The following UGT1A6 variants were observed in gnomAD, a reference collection of about 807,000 sequenced individuals.
UGT1A6 encodes the protein UDP glucuronosyltransferase family 1 member A6, also known as UDP-glucuronosyltransferase 1A6.
In UGT1A6, 32 loss-of-function variants were observed where a neutral mutation model predicts 44.4. That is an observed-to-expected ratio of 0.72 (90% CI 0.54 to 0.97). The LOEUF (loss-of-function observed/expected upper bound fraction) is 0.97, where lower values mean the gene tolerates loss of function less well. Ranked by LOEUF, UGT1A6 falls within the 50% of genes least tolerant of loss-of-function variation. UGT1A6 has a pLI of 0.00. For missense variants in UGT1A6, 685 were observed against 661.9 expected (o/e 1.03, Z -0.38); for synonymous variants, 238 against 248.5 (o/e 0.96, Z 0.40).
intron 1 of UGT1A6, chr2:233,713,397 G>T (rs1559359368): frequency 5.0e-6 from 8 of 1,613,912 alleles, no homozygotes; most frequent in Non-Finnish European, 6.8e-6. Flanking sequence ...GCATAATGAG[G>T]CCCTGATCAG....
At chr2:233,712,764 G>T (rs1312823466) in intron 1 of UGT1A6, among the ~76,000 whole-genome samples, 1 of 152,224 alleles carries the variant, frequency 6.6e-6, no homozygotes, top group Non-Finnish European at 1.5e-5. Flanking sequence ...CGAGCGCAAG[G>T]TCAGATGAGT....
In UGT1A6 at chr2:233,693,470, G is replaced by C; in HGVS notation, c.466G>C (p.Gly156Arg). 6.2e-7 allele frequency: 1 copy of C among 1,614,122 alleles called. No homozygotes were observed. Among genetic ancestry groups the C allele is most frequent in the Non-Finnish European group, 8.5e-7 (1 of 1,180,016 alleles). ...TTTCACAGACCCAGCCTTACCCTGT[G>C]GGGTGATCCTGGCTGAGTATTTGGG... ...ALFTDPALPC[G>R]VILAEYLGLP... is the part of the protein sequence containing the mutation. The change falls in exon 1 of 5, where the codon GGG (glycine) becomes CGG (arginine). Residue 156 changes from glycine (G) to arginine (R), a missense_variant. Physicochemically the swap from Gly to Arg is moderately radical, Grantham distance 125 (BLOSUM62 -2). Transcript: ENST00000305139.
At chr2:233,713,833 G>A in intron 1 of UGT1A6, 11 of 1,614,060 alleles carry the variant, frequency 6.8e-6, no homozygotes, top group Non-Finnish European at 9.3e-6. Context: ...GGCATCAACT[G>A]TGCCAACGGG....
intron 1 of UGT1A6, among the ~76,000 whole-genome samples, chr2:233,705,578 G>T (rs549130522): frequency 3.3e-5 from 5 of 152,170 alleles, no homozygotes; most frequent in Non-Finnish European, 7.3e-5. Flanking sequence ...GGATAGAAAT[G>T]GTTTATGGAT....
chr2:233,755,110 C>T, intron 1 of UGT1A6: 1 of 1,333,642 alleles, frequency 7.5e-7, no homozygotes, highest in Non-Finnish European at 1.0e-6. Flanking sequence ...GACAACACCT[C>T]GTAGGCCTCA....
At chr2:233,699,418 A>G (rs1463010135) in intron 1 of UGT1A6, among the ~76,000 whole-genome samples, 5 of 152,178 alleles carry the variant, frequency 3.3e-5, no homozygotes, top group African/African-American at 1.2e-4. Context: ...TTTGCATTTC[A>G]TTATTAGAAG....
At chr2:233,694,475 C>T (rs1176108446) in intron 1 of UGT1A6, among the ~76,000 whole-genome samples, 1 of 152,164 alleles carries the variant, frequency 6.6e-6, no homozygotes, top group Non-Finnish European at 1.5e-5. Flanking sequence ...GGTATGGCCT[C>T]TGACCTAAGA....
At chr2:233,730,104 T>G in intron 1 of UGT1A6, 1 of 1,577,736 alleles carries the variant, frequency 6.3e-7, no homozygotes, top group Non-Finnish European at 8.6e-7. Flanking sequence ...ATATTTCATT[T>G]CTGCTTCTCC....
At chr2:233,754,512 G>A (rs1197156567) in intron 1 of UGT1A6, 1 of 361,962 alleles carries the variant, frequency 2.8e-6, no homozygotes. Flanking sequence ...TATTCCTCCA[G>A]ATGTGCTTAA....
intron 1 of UGT1A6, among the ~76,000 whole-genome samples, chr2:233,733,430 A>G (rs1256868743): frequency 6.6e-6 from 1 of 152,170 alleles, no homozygotes; most frequent in Non-Finnish European, 1.5e-5. Context: ...ACTCAGTATG[A>G]TATTGGCTGC....
intron 1 of UGT1A6, chr2:233,713,927 C>G: frequency 6.2e-7 from 1 of 1,611,918 alleles, no homozygotes; most frequent in East Asian, 2.2e-5. Context: ...TATTTACTTA[C>G]AAGTGCTTCC....
chr2:233,729,398 G>T, intron 1 of UGT1A6: 1 of 1,613,654 alleles, frequency 6.2e-7, no homozygotes. Flanking sequence ...GAATTTGATC[G>T]CCATGTGCTG....
Position 233,731,284 on chromosome 2 carries a change from C to CTT in UGT1A6, c.862-35737_862-35736dup, listed in dbSNP as rs78127606. 2.2e-3 allele frequency among the ~76,000 whole-genome samples: 301 copies of CTT among 139,786 alleles called. 4 individuals are homozygous for CTT. Among genetic ancestry groups the CTT allele is most frequent in the African/African-American group, 6.8e-3 (261 of 38,534 alleles). 91.7% of individuals were successfully genotyped at this position (139,786 alleles called of 152,430 possible). A position where few individuals can be genotyped will look rare whatever the true frequency, so the allele number is the denominator to read the frequency against. On this transcript the variant is annotated intron_variant, in intron 1 of 4. Coordinates refer to ENST00000305139, the MANE Select transcript of UGT1A6 (RefSeq NM_001072.4). The stretch of plus-strand genomic sequence containing the variant: ...ACTGTTGCCCTTCCAGTTTTTCTTT[C>CTT]TTTTTTTTTTTTTTATTATACTTTA...
At chr2:233,732,000 CATT>C (rs1375230959) in intron 1 of UGT1A6, among the ~76,000 whole-genome samples, 1 of 152,212 alleles carries the variant, frequency 6.6e-6, no homozygotes, top group Non-Finnish European at 1.5e-5. Flanking sequence ...GATGGTATCT[CATT>C]GTGGTTTTGA....
At chr2:233,763,485 C>G (rs763947440) in intron 1 of UGT1A6, among the ~76,000 whole-genome samples, 4 of 152,140 alleles carry the variant, frequency 2.6e-5, no homozygotes, top group Non-Finnish European at 4.4e-5. Context: ...TTGATTGTAA[C>G]TCTCTCAGTT....
Position 233,769,401 on chromosome 2 carries a change from G to A in UGT1A6, c.1301+962G>A. On this transcript the variant is annotated intron_variant, in intron 4 of 4. Coordinates refer to ENST00000305139, the MANE Select transcript of UGT1A6 (RefSeq NM_001072.4). This position sits in a 1 kb window ranked among gnomAD's most constrained non-coding sequence, Gnocchi z 4.4. ...CCGACAATAGATACTGTGTGCATATGTGCGTGTGCGTTTGTGCATGTGGCT... is the reference window on the plus strand; with the variant it reads ...CCGACAATAGATACTGTGTGCATATATGCGTGTGCGTTTGTGCATGTGGCT... 1 of 1,194,732 alleles carries A rather than the reference G, an allele frequency of 8.4e-7. No homozygotes were observed. 74.0% of individuals were successfully genotyped at this position (1,194,732 alleles called of 1,614,324 possible).
chr2:233,718,058 C>A (rs1306003218), intron 1 of UGT1A6: 3 of 356,918 alleles, frequency 8.4e-6, no homozygotes, highest in Admixed American at 3.6e-5. Context: ...CTGAACCCAC[C>A]GTGGGTCCTT....
chr2:233,718,053 C>A, intron 1 of UGT1A6: 1 of 364,042 alleles, frequency 2.7e-6, no homozygotes, highest in Non-Finnish European at 5.4e-6. Flanking sequence ...GCTCCCTGAA[C>A]CCACCGTGGG....
chr2:233,721,874 C>T, intron 1 of UGT1A6: 1 of 497,188 alleles, frequency 2.0e-6, no homozygotes. Flanking sequence ...GGCACACTTG[C>T]CAGCCCCTCC....
Sources: allele counts gnomAD v4.1 joint callset (sites outside exome capture counted in the v4.1 genomes callset), GRCh38; gene constraint gnomAD v4.1.1; non-coding constraint Gnocchi (gnomAD v3.1); transcripts MANE v1.5; gene names NCBI Gene and HGNC (gene_info 2026-07-23, HGNC 2026-07-21).